FAT3: variants seen among roughly 807,000 people sequenced by gnomAD.
FAT3 encodes FAT atypical cadherin 3.
In FAT3, 95 loss-of-function variants were observed where a neutral mutation model predicts 310.2. That is an observed-to-expected ratio of 0.31 (90% CI 0.26 to 0.36). FAT3 has a LOEUF of 0.36. Ranked by LOEUF, FAT3 falls within the 10% of genes least tolerant of loss-of-function variation. FAT3 has a pLI of 1.00. For synonymous variants in FAT3, 2,314 were observed against 2,192.9 expected (o/e 1.06, Z -1.54); for missense variants, 5,408 against 5,715.6 (o/e 0.95, Z 1.74).
At chr11:92,547,775 G>A (rs1369041728) in intron 3 of FAT3, among the ~76,000 whole-genome samples, 1 of 152,152 alleles carries the variant, frequency 6.6e-6, no homozygotes, top group African/African-American at 2.4e-5. Context: ...AGAGATAATG[G>A]ATCATGTGAA....
chr11:92,396,326 A>G (rs1949867868), intron 2 of FAT3, among the ~76,000 whole-genome samples: 1 of 152,140 alleles, frequency 6.6e-6, no homozygotes, highest in Admixed American at 6.6e-5. Context: ...GGATTTGTTT[A>G]CTTATCTAAA....
At chr11:92,446,250 G>A (rs1004902898) in intron 2 of FAT3, among the ~76,000 whole-genome samples, 4 of 152,110 alleles carry the variant, frequency 2.6e-5, no homozygotes, top group Non-Finnish European at 5.9e-5. Flanking sequence ...AATAGCCCTA[G>A]GTGATACTAT....
chr11:92,855,923 G>A (rs936188975), intron 19 of FAT3, among the ~76,000 whole-genome samples: 36 of 150,698 alleles, frequency 2.4e-4, no homozygotes, highest in African/African-American at 8.5e-4. Context: ...TAAGTAGTTA[G>A]CATTAAATTC....
chr11:92,238,891 T>C (rs1440935507), intron 1 of FAT3, among the ~76,000 whole-genome samples: 1 of 152,106 alleles, frequency 6.6e-6, no homozygotes, highest in African/African-American at 2.4e-5. Context: ...TAGTAGACTA[T>C]CAAAAAAGAG....
At chr11:92,427,142 T>G (rs980832674) in intron 2 of FAT3, among the ~76,000 whole-genome samples, 2 of 152,198 alleles carry the variant, frequency 1.3e-5, no homozygotes, top group African/African-American at 4.8e-5. Context: ...GTAGCAATTG[T>G]GAATGGGAGT....
At chr11:92,531,928 AC>A (rs1284738677) in intron 3 of FAT3, among the ~76,000 whole-genome samples, 1 of 151,940 alleles carries the variant, frequency 6.6e-6, no homozygotes, top group Non-Finnish European at 1.5e-5. Flanking sequence ...TGCCAGGGTC[AC>A]CCCTTGCTTC....
At chr11:92,546,095 G>A (rs1954607986) in intron 3 of FAT3, among the ~76,000 whole-genome samples, 1 of 152,128 alleles carries the variant, frequency 6.6e-6, no homozygotes, top group Non-Finnish European at 1.5e-5. Flanking sequence ...TTTAATTCAA[G>A]AAATGTCGTC....
chr11:92,316,485 C>A (rs1355989875), intron 1 of FAT3, among the ~76,000 whole-genome samples: 1 of 151,950 alleles, frequency 6.6e-6, no homozygotes, highest in Non-Finnish European at 1.5e-5. Context: ...AAAAATATAC[C>A]CCCAGCTATC....
intron 4 of FAT3, among the ~76,000 whole-genome samples, chr11:92,724,357 C>T (rs1944939851): frequency 6.6e-6 from 1 of 152,172 alleles, no homozygotes; most frequent in Non-Finnish European, 1.5e-5. Context: ...AGGATCTGGA[C>T]TTGCACCATG....
At chr11:92,338,630 C>G (rs1285209225) in intron 1 of FAT3, among the ~76,000 whole-genome samples, 3 of 152,032 alleles carry the variant, frequency 2.0e-5, no homozygotes, top group Admixed American at 6.6e-5. Flanking sequence ...AGAGGTGGCC[C>G]TATGTTGACT....
At chr11:92,249,391 G>A (rs910701578) in intron 1 of FAT3, among the ~76,000 whole-genome samples, 19 of 152,184 alleles carry the variant, frequency 1.2e-4, no homozygotes, top group African/African-American at 4.3e-4. Flanking sequence ...TCATCAATCA[G>A]TGTTTATCAG....
At chr11:92,305,125 C>A (rs556657080) in intron 1 of FAT3, among the ~76,000 whole-genome samples, 1 of 152,028 alleles carries the variant, frequency 6.6e-6, no homozygotes, top group Non-Finnish European at 1.5e-5. Flanking sequence ...CCCTTTGTTG[C>A]AGTAGATCTG....
intron 7 of FAT3, among the ~76,000 whole-genome samples, chr11:92,784,952 T>C (rs1228363870): frequency 6.6e-6 from 1 of 151,826 alleles, no homozygotes; most frequent in Non-Finnish European, 1.5e-5. Flanking sequence ...TTGAACTTTC[T>C]GAATGAAAGA....
chr11:92,805,271 T>C lies in FAT3; in HGVS notation c.9015T>C (p.Thr3005=), dbSNP rs1283661115. ...QDIYFLNITA[T]DGLFVTQAMV... ...TTTACTTTCTCAATATCACTGCCAC[T>C]GATGGGCTTTTTGTCACACAGGCCA... is the stretch of plus-strand genomic sequence containing the variant. The change falls in exon 11 of 28, where the codon ACT becomes ACC. Residue 3005 remains threonine, a synonymous_variant. Transcript: ENST00000525166. 6.2e-7 allele frequency: 1 copy of C among 1,613,874 alleles called. No homozygotes were observed. The highest frequency in any genetic ancestry group is 2.2e-5 in the East Asian group (1 of 44,842).
intron 2 of FAT3, among the ~76,000 whole-genome samples, chr11:92,405,647 A>C (rs1244523340): frequency 6.6e-6 from 1 of 152,150 alleles, no homozygotes; most frequent in Non-Finnish European, 1.5e-5. Context: ...GCTACTCAGG[A>C]GGCTGAAGTG....
chr11:92,839,190 C>T (rs1022317293), intron 17 of FAT3, among the ~76,000 whole-genome samples: 1 of 152,172 alleles, frequency 6.6e-6, no homozygotes, highest in African/African-American at 2.4e-5. Context: ...AGGAGGTCAA[C>T]AGTGAAAGCA....
At position 92,875,204 on chromosome 11, in the gene FAT3, C is replaced by A. The variant is rs932424571; in HGVS notation, c.12128-5527C>A. 3.3e-5 allele frequency among the ~76,000 whole-genome samples: 5 copies of A among 149,628 alleles called. No homozygotes were observed. In the East Asian group the frequency reaches 8.0e-4, roughly 24 times the overall value. ...GACCACTTTTAAAAAATTCCAATTG[C>A]TTTTCCCTCTCATTGTGTTAACATA... On this transcript the variant is annotated intron_variant, in intron 22 of 27. Transcript: ENST00000525166.
intron 2 of FAT3, among the ~76,000 whole-genome samples, chr11:92,515,213 T>C (rs1953438389): frequency 6.6e-6 from 1 of 152,128 alleles, no homozygotes; most frequent in African/African-American, 2.4e-5. Context: ...GAGACCCCTT[T>C]CTGGGGATGA....
At chr11:92,758,971 G>C (rs944397588) in intron 4 of FAT3, among the ~76,000 whole-genome samples, 1 of 152,140 alleles carries the variant, frequency 6.6e-6, no homozygotes, top group Non-Finnish European at 1.5e-5. Flanking sequence ...GACTTTTGGG[G>C]TGCTAGGATC....
Sources: allele counts gnomAD v4.1 joint callset (sites outside exome capture counted in the v4.1 genomes callset), GRCh38; gene constraint gnomAD v4.1.1; transcripts MANE v1.5; gene names NCBI Gene and HGNC (gene_info 2026-07-23, HGNC 2026-07-21).